SLC22A15: variants seen among roughly 807,000 people sequenced by gnomAD.
SLC22A15 encodes flipt 1.
A neutral mutation model predicts 62.7 loss-of-function variants in SLC22A15; 45 were observed. That is an observed-to-expected ratio of 0.72 (90% confidence interval 0.56 to 0.92). The LOEUF (loss-of-function observed/expected upper bound fraction) is 0.92, where lower values mean the gene tolerates loss of function less well. Ranked by LOEUF, SLC22A15 falls within the 40% of genes least tolerant of loss-of-function variation. SLC22A15 has a pLI of 0.00. For synonymous variants in SLC22A15, 264 were observed against 267.0 expected (o/e 0.99, Z 0.11); for missense variants, 622 against 665.6 (o/e 0.93, Z 0.72).
intron 2 of SLC22A15, among the ~76,000 whole-genome samples, chr1:115,999,908 T>C (rs908133624): frequency 1.3e-5 from 2 of 152,228 alleles, no homozygotes; most frequent in Non-Finnish European, 2.9e-5. Context: ...TTTTGTCTGA[T>C]ATACATATAG....
chr1:115,984,140 A>G (rs534703648), intron 1 of SLC22A15, among the ~76,000 whole-genome samples: 1 of 152,354 alleles, frequency 6.6e-6, no homozygotes, highest in East Asian at 1.9e-4. Context: ...TGGGCATGTG[A>G]AAACTAGCAA....
chr1:116,025,541 T>C (rs1033372355), intron 4 of SLC22A15, among the ~76,000 whole-genome samples: 16 of 152,208 alleles, frequency 1.1e-4, no homozygotes, highest in Admixed American at 1.3e-4. Flanking sequence ...AGAAAACACA[T>C]GTGTTACAAG....
At chr1:116,042,195 T>C (rs1657806841) in intron 8 of SLC22A15, among the ~76,000 whole-genome samples, 1 of 148,064 alleles carries the variant, frequency 6.8e-6, no homozygotes, top group Non-Finnish European at 1.5e-5. Flanking sequence ...GAAAAATCAA[T>C]AGAAACAAAA....
rs754692050 is a variant in SLC22A15, at chr1:116,031,655, C to T, written c.944+74C>T. ...AGCTTCTCTTGATATCCTGCTCCTT[C>T]TTCAGGGTACAGGGAATTTTACCTC... On this transcript the variant is annotated intron_variant, in intron 6 of 11. Coordinates refer to ENST00000369503, the MANE Select transcript of SLC22A15 (RefSeq NM_018420.3). 6 of 1,585,636 alleles carry T rather than the reference C, an allele frequency of 3.8e-6. No individual in the cohort carries two copies. In the African/African-American group the frequency reaches 8.1e-5, roughly 21 times the overall value.
intron 8 of SLC22A15, among the ~76,000 whole-genome samples, chr1:116,058,704 G>T (rs1428508168): frequency 6.6e-6 from 1 of 152,162 alleles, no homozygotes; most frequent in African/African-American, 2.4e-5. Flanking sequence ...TTACAAAATC[G>T]TGGAACCAAC....
chr1:116,019,804 T>G, intron 3 of SLC22A15, 90 bp downstream of exon 3: 1 of 1,373,378 alleles, frequency 7.3e-7, no homozygotes, highest in Non-Finnish European at 9.8e-7. Context: ...TTCCTTAAGG[T>G]TCTCCGGGAA....
At chr1:116,012,164 T>A (rs1038981403) in intron 2 of SLC22A15, among the ~76,000 whole-genome samples, 1 of 152,144 alleles carries the variant, frequency 6.6e-6, no homozygotes, top group Admixed American at 6.5e-5. Context: ...TCACTATAAA[T>A]TAGAAGAAGA....
chr1:116,004,599 A>T (rs189450875), intron 2 of SLC22A15, among the ~76,000 whole-genome samples: 25 of 152,250 alleles, frequency 1.6e-4, no homozygotes, highest in Non-Finnish European at 2.6e-4. Flanking sequence ...TTTGATAAGG[A>T]TTAATGCCTC....
At chr1:116,050,566 C>T (rs1250047553) in intron 8 of SLC22A15, among the ~76,000 whole-genome samples, 1 of 151,584 alleles carries the variant, frequency 6.6e-6, no homozygotes, top group African/African-American at 2.4e-5. Flanking sequence ...ACTCGGCATA[C>T]GAGGGACATA....
Position 116,062,897 on chromosome 1 carries a change from C to T in SLC22A15, c.1292+15C>T, listed in dbSNP as rs79537174. The T allele has an allele frequency of 3.7e-3, 5,949 of 1,612,322 alleles. 109 individuals carry two copies. The East Asian group carries it at 0.055, about 15-fold the overall frequency. ...ACAGTCATCAGGTACGTGTCTCACA[C>T]AGCCTCATTCTTCACACATTCTACA... On this transcript the variant is annotated intron_variant, in intron 9 of 11. Transcript: ENST00000369503.
In SLC22A15 at chr1:115,992,108, C is replaced by T. The variant is rs780425173; in HGVS notation, c.165C>T (p.Leu55=). 4 of 1,613,978 alleles carry T rather than the reference C, an allele frequency of 2.5e-6. No homozygotes were observed. In the South Asian group the frequency reaches 3.3e-5, roughly 13 times the overall value. Residue 55 remains leucine, a synonymous_variant, in exon 2 of 12, where the codon CTC becomes CTT. Coordinates refer to ENST00000369503, the MANE Select transcript of SLC22A15 (RefSeq NM_018420.3). ...CCTACCACTGGGACCTGGCAGAGCTCCTGCCAAATCAGAGCCACGGTAACC... is the reference window on the plus strand; with the variant it reads ...CCTACCACTGGGACCTGGCAGAGCTTCTGCCAAATCAGAGCCACGGTAACC... ...TPSYHWDLAE[L]LPNQSHGNQS...
chr1:116,043,953 G>A (rs1657859638), intron 8 of SLC22A15, among the ~76,000 whole-genome samples: 1 of 152,118 alleles, frequency 6.6e-6, no homozygotes, highest in East Asian at 1.9e-4. Flanking sequence ...AATTGAATTT[G>A]TAGTTAAAAA....
intron 6 of SLC22A15, among the ~76,000 whole-genome samples, chr1:116,033,320 A>G (rs1298867184): frequency 6.6e-6 from 1 of 152,194 alleles, no homozygotes; most frequent in Non-Finnish European, 1.5e-5. Context: ...GGGGACATAA[A>G]GAGGATTGAA....
chr1:116,029,972 A>G (rs1570751038), intron 5 of SLC22A15, among the ~76,000 whole-genome samples: 3 of 152,300 alleles, frequency 2.0e-5, no homozygotes, highest in South Asian at 2.1e-4. Flanking sequence ...TAGCTCCTAT[A>G]TGCCCCTATG....
chr1:116,037,962 G>T (rs1382520868), intron 8 of SLC22A15, among the ~76,000 whole-genome samples: 3 of 152,248 alleles, frequency 2.0e-5, no homozygotes, highest in Non-Finnish European at 4.4e-5. Flanking sequence ...TGCAAACACA[G>T]CTTCAAGAAG....
intron 11 of SLC22A15, 130 bp downstream of exon 11, chr1:116,066,838 A>T (rs1273140558): frequency 9.8e-7 from 1 of 1,015,942 alleles, no homozygotes; most frequent in Non-Finnish European, 1.4e-6. Context: ...ACAGCAGCTG[A>T]TTTTCAGAGA....
intron 8 of SLC22A15, among the ~76,000 whole-genome samples, chr1:116,047,884 A>G (rs545667150): frequency 1.3e-5 from 2 of 152,294 alleles, no homozygotes; most frequent in South Asian, 2.1e-4. Flanking sequence ...CTTAAATAAA[A>G]AACAGTGAAA....
chr1:115,992,175 A>T lies in SLC22A15; in HGVS notation c.232A>T (p.Thr78Ser), dbSNP rs770664922. Reference sequence around the variant, plus strand: ...CCAGGCCTTTGGGGACTGGCTCCTGACAGCCAACGGCAGTGAGATCCATAA... The same window carrying T: ...CCAGGCCTTTGGGGACTGGCTCCTGTCAGCCAACGGCAGTGAGATCCATAA... ...EDQAFGDWLL[T>S]ANGSEIHKHV... The change falls in exon 2 of 12, where the codon ACA (threonine) becomes TCA (serine). Residue 78 changes from threonine (T) to serine (S), a missense_variant. Thr to Ser is a moderately conservative substitution (Grantham distance 58). Coordinates refer to ENST00000369503, the MANE Select transcript of SLC22A15 (RefSeq NM_018420.3). The T allele has an allele frequency of 1.2e-6, 2 of 1,611,806 alleles. No homozygotes were observed. Among genetic ancestry groups the T allele is most frequent in the Non-Finnish European group, 1.7e-6 (2 of 1,179,002 alleles).
chr1:116,000,486 T>C (rs935885556), intron 2 of SLC22A15, among the ~76,000 whole-genome samples: 2 of 152,178 alleles, frequency 1.3e-5, no homozygotes, highest in African/African-American at 4.8e-5. Flanking sequence ...TTATTTTTGA[T>C]TGGTTCGTCT....
Sources: gnomAD v4.1 joint callset for allele counts (sites outside exome capture counted in the v4.1 genomes callset) on GRCh38, gnomAD v4.1.1 for gene constraint, MANE v1.5 for transcripts, NCBI Gene and HGNC (gene_info 2026-07-23, HGNC 2026-07-21) for gene names.